Variants in TMEM178A observed in about 807,000 individuals in gnomAD.
The protein encoded by TMEM178A is transmembrane protein 178.
In TMEM178A, 12 loss-of-function variants were observed where a neutral mutation model predicts 29.1. The observed-to-expected ratio is 0.41, with a 90% CI of 0.26 to 0.67. The LOEUF (loss-of-function observed/expected upper bound fraction) is 0.67. Ranked by LOEUF, TMEM178A falls within the 30% of genes least tolerant of loss-of-function variation. The probability of loss-of-function intolerance (pLI) is 0.29; values close to 1 mark genes in which losing one functional copy is unlikely to be tolerated. For synonymous variants in TMEM178A, 210 were observed against 187.2 expected (o/e 1.12, Z -0.99); for missense variants, 366 against 419.1 (o/e 0.87, Z 1.11).
chr2:39,718,435 T>C (rs1158134019), downstream of TMEM178A, among the ~76,000 whole-genome samples: 1 of 152,214 alleles, frequency 6.6e-6, no homozygotes, highest in Non-Finnish European at 1.5e-5. Context: ...GGCCTAGGCT[T>C]GAGCATTTTT....
At chr2:39,720,018 G>A (rs1411983980), downstream of TMEM178A, among the ~76,000 whole-genome samples, 1 of 151,756 alleles carries the variant, frequency 6.6e-6, no homozygotes, top group Non-Finnish European at 1.5e-5. Context: ...CTAGAAAAAT[G>A]CAGTGAAGGA....
the TMEM178A span, among the ~76,000 whole-genome samples, chr2:39,724,825 GTA>G: frequency 6.6e-6 from 1 of 152,318 alleles, no homozygotes; most frequent in Admixed American, 6.5e-5. Flanking sequence ...AAAAAGCGAG[GTA>G]GATTTTGAGG....
intron 1 of TMEM178A, among the ~76,000 whole-genome samples, chr2:39,673,423 A>G (rs1012698526): frequency 1.1e-4 from 17 of 152,258 alleles, no homozygotes; most frequent in African/African-American, 1.4e-4. Context: ...ATTATTTTCT[A>G]TAACTTGCTG....
Position 39,666,309 on chromosome 2 carries a change from C to T in TMEM178A, c.335C>T (p.Ser112Leu). The change falls in exon 1 of 4, where the codon TCG becomes TTG. Residue 112 changes from serine (S) to leucine (L), a missense_variant. By Grantham distance (145) the Ser-to-Leu change is moderately radical. Transcript: ENST00000281961. The part of the protein sequence containing the change: ...ECGRPLFATY[S>L]GLWRKCYFLG... ...GGCCGGCCCCTCTTCGCCACCTACT[C>T]GGGCCTCTGGAGGAAGTGCTACTTC... 1 of 1,444,674 alleles carries T rather than the reference C, an allele frequency of 6.9e-7. No individual in the cohort carries two copies. The highest frequency in any genetic ancestry group is 9.1e-7 in the Non-Finnish European group (1 of 1,098,432). 89.5% of individuals were successfully genotyped at this position (1,444,674 alleles called of 1,614,324 possible). A position where few individuals can be genotyped will look rare whatever the true frequency, so the allele number is the denominator to read the frequency against.
intron 1 of TMEM178A, among the ~76,000 whole-genome samples, chr2:39,682,997 G>A (rs971653109): frequency 3.3e-5 from 5 of 152,212 alleles, no homozygotes; most frequent in African/African-American, 9.7e-5. Context: ...GATACAGGGG[G>A]ATGGCAGTGG....
chr2:39,721,446 C>T (rs1260644994), downstream of TMEM178A, among the ~76,000 whole-genome samples: 2 of 152,136 alleles, frequency 1.3e-5, no homozygotes, highest in East Asian at 1.9e-4. Context: ...TCAGCATTCA[C>T]TATAAAATAC....
the TMEM178A span, among the ~76,000 whole-genome samples, chr2:39,735,808 T>C: frequency 3.3e-5 from 5 of 152,232 alleles, no homozygotes; most frequent in African/African-American, 1.2e-4. Flanking sequence ...AGGAGAGGAA[T>C]GTTCTGGTGA....
At position 39,710,131 on chromosome 2, in the gene TMEM178A, G is replaced by A. The variant is rs537497888; in HGVS notation, c.652+2945G>A. ...GAGGAGCTCAGAGGTCCTCAGGATC[G>A]AGCACGGGAAGCTCCTGTGTAATTG... On this transcript the variant is annotated intron_variant, in intron 3 of 3. Coordinates refer to ENST00000281961, the MANE Select transcript of TMEM178A (RefSeq NM_152390.3). 2.5e-3 allele frequency among the ~76,000 whole-genome samples: 387 copies of A among 152,234 alleles called. 1 individual carries two copies. Among genetic ancestry groups the A allele is most frequent in the Non-Finnish European group, 4.7e-3 (319 of 68,026 alleles).
chr2:39,688,932 G>A (rs946403014), intron 1 of TMEM178A, among the ~76,000 whole-genome samples: 1 of 151,952 alleles, frequency 6.6e-6, no homozygotes, highest in African/African-American at 2.4e-5. Flanking sequence ...CTAGTAAAGG[G>A]GACATGAGAA....
At chr2:39,716,981 T>A (rs1672566189) in intron 3 of TMEM178A, 29 bp from the exon 4 acceptor site, 1 of 1,591,204 alleles carries the variant, frequency 6.3e-7, no homozygotes, top group Non-Finnish European at 8.6e-7. Flanking sequence ...CTGTAACTAA[T>A]CATTCTGTTC....
chr2:39,730,187 G>A, the TMEM178A span, among the ~76,000 whole-genome samples: 1 of 152,286 alleles, frequency 6.6e-6, no homozygotes, highest in South Asian at 2.1e-4. Flanking sequence ...GTTTCTTGTT[G>A]TGTTTGCTGA....
intron 3 of TMEM178A, among the ~76,000 whole-genome samples, chr2:39,711,800 T>G (rs1193933255): frequency 6.6e-6 from 1 of 152,136 alleles, no homozygotes; most frequent in Non-Finnish European, 1.5e-5. Flanking sequence ...ACTTTTTATT[T>G]TAGAAGAGTA....
chr2:39,674,679 A>T (rs1445108558), intron 1 of TMEM178A, among the ~76,000 whole-genome samples: 1 of 152,362 alleles, frequency 6.6e-6, no homozygotes, highest in African/African-American at 2.4e-5. Flanking sequence ...AAATAAAAAA[A>T]ATTAAAAAAA....
At chr2:39,704,564 T>C (rs1671941951) in intron 2 of TMEM178A, among the ~76,000 whole-genome samples, 1 of 152,186 alleles carries the variant, frequency 6.6e-6, no homozygotes, top group Non-Finnish European at 1.5e-5. Context: ...GTATATACAA[T>C]ATTTATTTTA....
At chr2:39,734,638 C>T in the TMEM178A span, among the ~76,000 whole-genome samples, 8 of 152,238 alleles carry the variant, frequency 5.3e-5, no homozygotes, top group African/African-American at 1.7e-4. Flanking sequence ...CTAAAACTGT[C>T]TAGCAAGCAA....
At chr2:39,694,962 A>G (rs1216726316) in intron 1 of TMEM178A, among the ~76,000 whole-genome samples, 2 of 152,204 alleles carry the variant, frequency 1.3e-5, no homozygotes, top group African/African-American at 4.8e-5. Flanking sequence ...AGGCTCTAAA[A>G]GTCAGTGTTA....
At chr2:39,735,636 C>G in the TMEM178A span, among the ~76,000 whole-genome samples, 2 of 152,242 alleles carry the variant, frequency 1.3e-5, no homozygotes, top group Admixed American at 1.3e-4. Context: ...GTATCAGTCT[C>G]CATTATCAGA....
chr2:39,700,925 A>G (rs1229746289), intron 1 of TMEM178A, among the ~76,000 whole-genome samples: 1 of 151,960 alleles, frequency 6.6e-6, no homozygotes, highest in Admixed American at 6.6e-5. Context: ...ATTGAATTCA[A>G]TAGTATATAA....
the TMEM178A span, among the ~76,000 whole-genome samples, chr2:39,724,937 G>A: frequency 6.6e-6 from 1 of 152,180 alleles, no homozygotes; most frequent in Non-Finnish European, 1.5e-5. Flanking sequence ...ATGCCAACAT[G>A]TTTCTCAAAT....
Sources: gnomAD v4.1 joint callset for allele counts (sites outside exome capture counted in the v4.1 genomes callset) on GRCh38, gnomAD v4.1.1 for gene constraint, MANE v1.5 for transcripts, NCBI Gene and HGNC (gene_info 2026-07-23, HGNC 2026-07-21) for gene names.